The following CHRM5 variants were observed in gnomAD, a reference collection of about 807,000 sequenced individuals.
CHRM5 encodes muscarinic acetylcholine receptor M5.
CHRM5 carries 18 observed loss-of-function variants against 39.0 expected under a neutral mutation model. The ratio of observed to expected loss-of-function variants is 0.46; its 90% CI spans 0.32 to 0.68. The LOEUF is 0.68. Among genes scored for constraint, CHRM5 ranks in the 30% least tolerant of loss-of-function variants. CHRM5 has a pLI of 0.04. For missense variants in CHRM5, 515 were observed against 651.1 expected, an observed-to-expected ratio of 0.79 and a Z score of 2.28; for synonymous variants, 241 against 246.3, an observed-to-expected ratio of 0.98 and a Z score of 0.20.
At chr15:34,055,800 C>CA (rs1253869736) in intron 2 of CHRM5, among the ~76,000 whole-genome samples, 1 of 151,704 alleles carries the variant, frequency 6.6e-6, no homozygotes, top group Non-Finnish European at 1.5e-5. Flanking sequence ...GACTCTGTCA[C>CA]AAAAAATAAA....
At position 34,002,944 on chromosome 15, in the gene CHRM5, G is replaced by A. The variant is rs921345486; in HGVS notation, c.-408+33794G>A. On this transcript the variant is annotated intron_variant, in intron 1 of 2. Coordinates refer to ENST00000383263, the MANE Select transcript of CHRM5 (RefSeq NM_012125.4). ...CCAAAGAACAAAGGATAAATTGCTA[G>A]TTATAAAAGTAGAATTTAAAAACAT... is the stretch of plus-strand genomic sequence containing the variant. 2.1e-5 allele frequency: 25 copies of A among 1,193,770 alleles called. No individual in the cohort carries two copies. In the Admixed American group the frequency reaches 2.2e-4, roughly 10 times the overall value. The allele number at this position is 1,193,770 out of a possible 1,614,324, so 73.9% of individuals were successfully genotyped here.
intron 2 of CHRM5, among the ~76,000 whole-genome samples, chr15:34,052,572 T>C (rs1291045826): frequency 1.3e-5 from 2 of 152,242 alleles, no homozygotes; most frequent in Non-Finnish European, 2.9e-5. Context: ...TGTTTGCAGA[T>C]AATATAATTC....
At chr15:34,015,897 G>T (rs1825353375) in intron 1 of CHRM5, among the ~76,000 whole-genome samples, 1 of 152,208 alleles carries the variant, frequency 6.6e-6, no homozygotes, top group South Asian at 2.1e-4. Flanking sequence ...ATTGGAGACA[G>T]TACATTCCTG....
chr15:34,024,122 T>G (rs1898331009), intron 1 of CHRM5, among the ~76,000 whole-genome samples: 1 of 151,580 alleles, frequency 6.6e-6, no homozygotes, highest in South Asian at 2.1e-4. Context: ...AAATATCTAC[T>G]GAGAGCTGAT....
At position 34,063,188 on chromosome 15, in the gene CHRM5, C is replaced by CTCCTT; in HGVS notation, c.472_476dup (p.Ile160ProfsTer52). 6.2e-7 allele frequency: 1 copy of CTCCTT among 1,614,192 alleles called. No homozygotes were observed. Among genetic ancestry groups the CTCCTT allele is most frequent in the Non-Finnish European group, 8.5e-7 (1 of 1,180,034 alleles). On this transcript the variant is annotated frameshift_variant, in exon 3 of 3. Transcript: ENST00000383263. LOFTEE classifies it high-confidence loss of function. The surrounding 1 kb of genome is among the most constrained non-coding windows in gnomAD (Gnocchi z 4.1). The stretch of plus-strand genomic sequence containing the variant: ...TCATGATTGGCTTGGCCTGGCTGAT[C>CTCCTT]TCCTTCATCCTCTGGGCCCCAGCAA...
intron 1 of CHRM5, among the ~76,000 whole-genome samples, chr15:34,022,780 T>G (rs1271181431): frequency 6.6e-6 from 1 of 152,226 alleles, no homozygotes; most frequent in Non-Finnish European, 1.5e-5. Flanking sequence ...CTCTCCAGCT[T>G]ACATTTTCCT....
chr15:34,053,319 A>AAAAATAT (rs775436850), intron 2 of CHRM5, among the ~76,000 whole-genome samples: 89 of 42,024 alleles, frequency 2.1e-3, no homozygotes, highest in Non-Finnish European at 3.3e-3. Context: ...AAAAAAAAAA[A>AAAAATAT]ATATATATAT....
At chr15:34,039,718 A>G (rs886773837) in intron 1 of CHRM5, among the ~76,000 whole-genome samples, 3 of 152,218 alleles carry the variant, frequency 2.0e-5, no homozygotes, top group Non-Finnish European at 4.4e-5. Context: ...TTCTGTAGAA[A>G]TGACTACTAC....
At chr15:33,978,714 C>T (rs919242556) in intron 1 of CHRM5, among the ~76,000 whole-genome samples, 1 of 151,940 alleles carries the variant, frequency 6.6e-6, no homozygotes, top group African/African-American at 2.4e-5. Context: ...TTAAGGTGTA[C>T]AAATTCGTCC....
chr15:34,047,587 T>C (rs144622216), intron 2 of CHRM5, among the ~76,000 whole-genome samples: 19 of 152,230 alleles, frequency 1.2e-4, no homozygotes, highest in Middle Eastern at 3.4e-3. Context: ...TGAGAGAGAA[T>C]TGAGCTCCCA....
intron 1 of CHRM5, among the ~76,000 whole-genome samples, chr15:34,001,641 T>G (rs962782750): frequency 1.3e-5 from 2 of 152,200 alleles, no homozygotes; most frequent in Non-Finnish European, 1.5e-5. Context: ...TTACCAGTTC[T>G]TGAACAGTCA....
chr15:34,043,308 A>G (rs765206684), intron 1 of CHRM5, among the ~76,000 whole-genome samples: 3 of 151,956 alleles, frequency 2.0e-5, no homozygotes, highest in Non-Finnish European at 4.4e-5. Context: ...AGTAGATGTT[A>G]TGATAGGACT....
At chr15:33,977,497 C>A (rs1040802020) in intron 1 of CHRM5, among the ~76,000 whole-genome samples, 6 of 152,130 alleles carry the variant, frequency 3.9e-5, no homozygotes, top group Non-Finnish European at 8.8e-5. Flanking sequence ...GCTATGACAG[C>A]GTGCTTTGAT....
intron 1 of CHRM5, among the ~76,000 whole-genome samples, chr15:33,980,405 G>T (rs1413332371): frequency 6.6e-6 from 1 of 152,146 alleles, no homozygotes; most frequent in Non-Finnish European, 1.5e-5. Context: ...CATTACTTAC[G>T]CAAGGCTGTT....
At chr15:34,039,244 GGGCCGGAACCGGGACCGCGGGAA>G (rs1367089656) in intron 1 of CHRM5, 1 of 280,338 alleles carries the variant, frequency 3.6e-6, no homozygotes, top group African/African-American at 2.3e-5. Context: ...CCCGCAGGTG[GGGCCGGAACCGGGACCGCGGGAA>G]GGCCGGACCG....
chr15:34,016,114 T>C (rs1299016447), intron 1 of CHRM5, among the ~76,000 whole-genome samples: 1 of 152,102 alleles, frequency 6.6e-6, no homozygotes, highest in Non-Finnish European at 1.5e-5. Context: ...CCGTCTCTAC[T>C]AAAAATACAA....
intron 1 of CHRM5, among the ~76,000 whole-genome samples, chr15:34,008,332 G>C (rs1438186445): frequency 6.6e-6 from 1 of 151,636 alleles, no homozygotes; most frequent in East Asian, 2.0e-4. Context: ...GAGGTGATAG[G>C]ATCAGCTGAC....
chr15:34,058,562 A>G lies in CHRM5; in HGVS notation c.-75-4081A>G, dbSNP rs542130206. Among the ~76,000 whole-genome samples the G allele has an allele frequency of 2.1e-5, 3 of 145,578 alleles. No individual in the cohort carries two copies. The South Asian group carries it at 6.4e-4, about 31-fold the overall frequency. ...TCTCTCTGCTTTAATTCTAACACAC[A>G]CACACACACACACACACACACACAC... On this transcript the variant is annotated intron_variant, in intron 2 of 2. Transcript: ENST00000383263.
At chr15:33,998,401 T>C (rs1004873351) in intron 1 of CHRM5, among the ~76,000 whole-genome samples, 1 of 152,140 alleles carries the variant, frequency 6.6e-6, no homozygotes, top group African/African-American at 2.4e-5. Flanking sequence ...CAAGGCAGGA[T>C]TGTTTGAGCC....
Sources: gnomAD v4.1 joint callset for allele counts (sites outside exome capture counted in the v4.1 genomes callset) on GRCh38, gnomAD v4.1.1 for gene constraint, Gnocchi (gnomAD v3.1) non-coding constraint, MANE v1.5 for transcripts, NCBI Gene and HGNC (gene_info 2026-07-23, HGNC 2026-07-21) for gene names.